Variants in CEP164 observed in about 807,000 individuals in gnomAD.
CEP164 encodes the protein centrosomal protein 164.
Under a neutral mutation model 182.7 loss-of-function variants are expected in CEP164, and 162 were observed. The observed-to-expected ratio is 0.89, with a 90% CI of 0.78 to 1.01. CEP164 has a LOEUF of 1.01. Ranked by LOEUF, CEP164 falls within the 50% of genes least tolerant of loss-of-function variation. CEP164 has a pLI of 0.00. For missense variants in CEP164, 1,735 were observed against 1,790.4 expected (o/e 0.97, Z 0.56); for synonymous variants, 661 against 690.0 (o/e 0.96, Z 0.66).
intron 8 of CEP164, among the ~76,000 whole-genome samples, chr11:117,367,297 C>T (rs540022060): frequency 1.4e-4 from 21 of 152,346 alleles, no homozygotes; most frequent in Admixed American, 1.0e-3. Flanking sequence ...TTTCCCCACC[C>T]TTGAGGTGCT....
intron 27 of CEP164, among the ~76,000 whole-genome samples, chr11:117,407,504 A>C (rs552518082): frequency 6.6e-6 from 1 of 151,478 alleles, no homozygotes; most frequent in Non-Finnish European, 1.5e-5. Context: ...AAGAAAAAAA[A>C]AAGCCAGGTG....
At chr11:117,355,965 A>G in intron 5 of CEP164, 1 of 1,111,570 alleles carries the variant, frequency 9.0e-7, no homozygotes, top group Non-Finnish European at 1.1e-6. Context: ...CCTTATAAAG[A>G]TCAGAAGCCT....
intron 5 of CEP164, chr11:117,359,708 T>A: frequency 1.8e-6 from 1 of 560,272 alleles, no homozygotes; most frequent in Non-Finnish European, 2.3e-6. Flanking sequence ...GGGGTCTTTG[T>A]AAATTGTCAC....
Position 117,387,324 on chromosome 11 carries a change from G to A in CEP164, c.1846G>A (p.Glu616Lys). 1.9e-6 allele frequency: 3 copies of A among 1,614,226 alleles called. No individual in the cohort carries two copies. The highest frequency in any genetic ancestry group is 2.2e-5 in the East Asian group (1 of 44,876). Reference sequence around the variant, plus strand: ...GAGGCACCTGCTGGAATCCAAGCAAGAGAAGATGCAGCAACTGCGGGAGAA... The same window carrying A: ...GAGGCACCTGCTGGAATCCAAGCAAAAGAAGATGCAGCAACTGCGGGAGAA... ...DQRHLLESKQ[E>K]KMQQLREKLC... The change falls in exon 15 of 33, where the codon GAG becomes AAG. Residue 616 changes from glutamate (E) to lysine (K), a missense_variant. Glu to Lys is a moderately conservative substitution (Grantham distance 56). Transcript: ENST00000278935.
Position 117,394,829 on chromosome 11 carries a change from G to A in CEP164, c.2761-91G>A, listed in dbSNP as rs1045089045. ...AGCCTGAGCCCAGAGTGGAGGTTGT[G>A]GTGTGGCATGGTGGGTTCTGGAACC... On this transcript the variant is annotated intron_variant, in intron 21 of 32. Transcript: ENST00000278935. The surrounding 1 kb of genome is among the most constrained non-coding windows in gnomAD (Gnocchi z 4.0). 8.0e-7 allele frequency: 1 copy of A among 1,247,460 alleles called. No homozygotes were observed. The highest frequency in any genetic ancestry group is 1.2e-6 in the Non-Finnish European group (1 of 859,996). The allele number at this position is 1,247,460 out of a possible 1,614,324, so 77.3% of individuals were successfully genotyped here. A position where few individuals can be genotyped will look rare whatever the true frequency, so the allele number is the denominator to read the frequency against.
intron 8 of CEP164, among the ~76,000 whole-genome samples, chr11:117,366,246 G>A (rs915830419): frequency 2.6e-5 from 4 of 152,020 alleles, no homozygotes; most frequent in African/African-American, 9.7e-5. Context: ...ACAGTCTTTG[G>A]ATTCTCTGAA....
chr11:117,345,750 G>A (rs1443645713), intron 4 of CEP164, among the ~76,000 whole-genome samples: 1 of 151,468 alleles, frequency 6.6e-6, no homozygotes, highest in Non-Finnish European at 1.5e-5. Context: ...GCAATGGCAC[G>A]ATCTCGGCTC....
intron 5 of CEP164, chr11:117,355,365 C>T (rs761928007): frequency 3.9e-6 from 5 of 1,289,744 alleles, no homozygotes; most frequent in Middle Eastern, 2.1e-4. Flanking sequence ...CCTCAGAACA[C>T]TGGGCTTCTC....
chr11:117,354,471 A>C (rs1050350740), intron 5 of CEP164, among the ~76,000 whole-genome samples: 4 of 152,210 alleles, frequency 2.6e-5, no homozygotes, highest in African/African-American at 9.7e-5. Context: ...CTTATAAAAA[A>C]AGAAATGGAG....
At position 117,412,272 on chromosome 11, in the gene CEP164, C is replaced by T. The variant is rs946260931; in HGVS notation, c.*104C>T. Reference sequence around the variant, plus strand: ...CATCTGAGAAAGCACCCTCCTTCCCCCTTTGACTTGCAGGAGCCACCAGGG... The same window carrying T: ...CATCTGAGAAAGCACCCTCCTTCCCTCTTTGACTTGCAGGAGCCACCAGGG... On this transcript the variant is annotated 3_prime_UTR_variant, in exon 33 of 33. Transcript: ENST00000278935. The T allele has an allele frequency of 4.8e-6, 5 of 1,039,362 alleles. No individual in the cohort carries two copies. In the African/African-American group the frequency reaches 4.8e-5, roughly 10 times the overall value. 64.4% of individuals were successfully genotyped at this position (1,039,362 alleles called of 1,614,324 possible).
At chr11:117,369,436 C>G (rs1187128200) in intron 8 of CEP164, among the ~76,000 whole-genome samples, 1 of 152,226 alleles carries the variant, frequency 6.6e-6, no homozygotes, top group Non-Finnish European at 1.5e-5. Flanking sequence ...AAGCTGAGCT[C>G]TGAATGACTC....
Position 117,354,900 on chromosome 11 carries a change from C to T in CEP164, c.393+2912C>T, listed in dbSNP as rs192988149. The T allele has an allele frequency of 7.5e-3, 9,186 of 1,230,686 alleles. 37 individuals carry two copies. Among genetic ancestry groups the T allele is most frequent in the Non-Finnish European group, 8.6e-3 (8,269 of 959,852 alleles). 76.2% of individuals were successfully genotyped at this position (1,230,686 alleles called of 1,614,324 possible). A position where few individuals can be genotyped will look rare whatever the true frequency, so the allele number is the denominator to read the frequency against. ...GTGTAAATCAGAAGTGCTTTGTCTT[C>T]GTTTTCTCTGCATGTTTATATACCC... is the stretch of plus-strand genomic sequence containing the variant. On this transcript the variant is annotated intron_variant, in intron 5 of 32. Coordinates refer to ENST00000278935, the MANE Select transcript of CEP164 (RefSeq NM_014956.5).
At chr11:117,355,625 G>A (rs2040214774) in intron 5 of CEP164, 29 of 1,197,410 alleles carry the variant, frequency 2.4e-5, no homozygotes, top group Non-Finnish European at 3.0e-5. Flanking sequence ...GTTGTTGTTA[G>A]ATAGCAGCCC....
chr11:117,338,343 C>G (rs758676949), intron 2 of CEP164, among the ~76,000 whole-genome samples: 1 of 152,160 alleles, frequency 6.6e-6, no homozygotes, highest in Non-Finnish European at 1.5e-5. Flanking sequence ...TGTGGTTCAC[C>G]AGGTGTTCAT....
chr11:117,323,090 G>A (rs1459523657), upstream of CEP164, among the ~76,000 whole-genome samples: 4 of 151,914 alleles, frequency 2.6e-5, no homozygotes, highest in Non-Finnish European at 5.9e-5. Flanking sequence ...TAGTAGAGAC[G>A]GGGTTTCTCC....
chr11:117,395,576 G>C lies in CEP164; in HGVS notation c.2943G>C (p.Glu981Asp), dbSNP rs112958115. 7.1e-5 allele frequency: 115 copies of C among 1,613,296 alleles called. 1 individual carries two copies. In the African/African-American group the frequency reaches 1.1e-3, roughly 16 times the overall value. ...CCACAGCCACCCATCAGCAGCTGGAGGAGGCACAGAAGGAGCACACCCACC... is the reference window on the plus strand; with the variant it reads ...CCACAGCCACCCATCAGCAGCTGGACGAGGCACAGAAGGAGCACACCCACC... Reference protein sequence around the residue: ...EEATATHQQLEEAQKEHTHLL... With the variant: ...EEATATHQQLDEAQKEHTHLL... Residue 981 changes from glutamate to aspartate, a missense_variant, in exon 24 of 33, where the codon GAG becomes GAC. Coordinates refer to ENST00000278935, the MANE Select transcript of CEP164 (RefSeq NM_014956.5).
intron 15 of CEP164, among the ~76,000 whole-genome samples, chr11:117,387,645 C>T (rs1468118061): frequency 6.6e-6 from 1 of 152,154 alleles, no homozygotes; most frequent in Non-Finnish European, 1.5e-5. Context: ...AGAATAAAAG[C>T]AGGGTTCTGT....
upstream of CEP164, among the ~76,000 whole-genome samples, chr11:117,323,273 G>A (rs1399564506): frequency 3.3e-5 from 5 of 151,138 alleles, no homozygotes; most frequent in Admixed American, 3.3e-4. Context: ...TCCTCAATCT[G>A]GTAACCACTG....
intron 5 of CEP164, chr11:117,355,364 A>G: frequency 7.8e-7 from 1 of 1,289,834 alleles, no homozygotes; most frequent in Non-Finnish European, 1.0e-6. Flanking sequence ...CCCTCAGAAC[A>G]CTGGGCTTCT....
Sources: allele counts gnomAD v4.1 joint callset (sites outside exome capture counted in the v4.1 genomes callset), GRCh38; gene constraint gnomAD v4.1.1; non-coding constraint Gnocchi (gnomAD v3.1); transcripts MANE v1.5; gene names NCBI Gene and HGNC (gene_info 2026-07-23, HGNC 2026-07-21).